LRRN1: variants seen among roughly 807,000 people sequenced by gnomAD.
The protein encoded by LRRN1 is leucine-rich repeat neuronal protein 1.
Under a neutral mutation model 45.8 loss-of-function variants are expected in LRRN1, and 14 were observed. The observed-to-expected ratio is 0.31, with a 90% confidence interval of 0.20 to 0.48. LRRN1 has a LOEUF of 0.48. Ranked by LOEUF, LRRN1 falls within the 20% of genes least tolerant of loss-of-function variation. LRRN1 has a pLI of 0.99. For missense variants in LRRN1, 789 were observed against 874.2 expected, an observed-to-expected ratio of 0.90 and a Z score of 1.23; for synonymous variants, 359 against 330.1, an observed-to-expected ratio of 1.09 and a Z score of -0.95.
rs759768737 is a variant in LRRN1 at position 3,845,517 on chromosome 3, G to A, written c.876G>A (p.Leu292=). The A allele has an allele frequency of 9.3e-6, 15 of 1,614,068 alleles. No individual in the cohort carries two copies. Among genetic ancestry groups the A allele is most frequent in the Non-Finnish European group, 1.3e-5 (15 of 1,180,006 alleles). The change falls in exon 2 of 2, where the codon CTG becomes CTA. Residue 292 remains leucine (L), a synonymous_variant. Coordinates refer to ENST00000319331, the MANE Select transcript of LRRN1 (RefSeq NM_020873.7). This position sits in a 1 kb window ranked among gnomAD's most constrained non-coding sequence, Gnocchi z 6.5. ...DFKNMLRLKE[L]GINNMGELVS... ...AAAATATGCTTCGGTTAAAAGAACT[G>A]GGAATCAACAATATGGGCGAGCTCG...
chr3:3,835,576 G>A (rs1693491864), intron 1 of LRRN1, among the ~76,000 whole-genome samples: 1 of 143,310 alleles, frequency 7.0e-6, no homozygotes, highest in Non-Finnish European at 1.5e-5. Context: ...CAACCCCAGA[G>A]CTGCCTGATT....
chr3:3,836,114 A>G (rs949109003), intron 1 of LRRN1, among the ~76,000 whole-genome samples: 2 of 151,978 alleles, frequency 1.3e-5, no homozygotes, highest in Non-Finnish European at 2.9e-5. Flanking sequence ...TATTCCAGCC[A>G]TTTCTTATTT....
chr3:3,847,468 TAACA>T lies in LRRN1; in HGVS notation c.*680_*683del, dbSNP rs1251226588. The stretch of plus-strand genomic sequence containing the variant: ...AATATGTATATCAGATTTTTTAATG[TAACA>T]AACTACATGTTAATTGTTATCTTAT... On this transcript the variant is annotated 3_prime_UTR_variant, in exon 2 of 2. Coordinates refer to ENST00000319331, the MANE Select transcript of LRRN1 (RefSeq NM_020873.7). 1 of 166,994 alleles carries T rather than the reference TAACA, an allele frequency of 6.0e-6. No homozygotes were observed. The highest frequency in any genetic ancestry group is 1.5e-5 in the Non-Finnish European group (1 of 68,104). The allele number at this position is 166,994 out of a possible 1,614,324, so 10.3% of individuals were successfully genotyped here. A position where few individuals can be genotyped will look rare whatever the true frequency, so the allele number is the denominator to read the frequency against.
chr3:3,803,696 G>T (rs1692701350), intron 1 of LRRN1, among the ~76,000 whole-genome samples: 1 of 152,148 alleles, frequency 6.6e-6, no homozygotes, highest in Admixed American at 6.5e-5. Context: ...GATGAAGTCA[G>T]AAAAACATTT....
At chr3:3,818,241 AATC>A (rs1398570349) in intron 1 of LRRN1, among the ~76,000 whole-genome samples, 1 of 152,250 alleles carries the variant, frequency 6.6e-6, no homozygotes, top group East Asian at 1.9e-4. Flanking sequence ...TTTAACATTT[AATC>A]ATGCAGCTAA....
At chr3:3,817,275 A>G (rs956201497) in intron 1 of LRRN1, among the ~76,000 whole-genome samples, 1 of 152,174 alleles carries the variant, frequency 6.6e-6, no homozygotes, top group Admixed American at 6.5e-5. Flanking sequence ...TAGTTCTTTA[A>G]GTCCTTATTA....
Position 3,845,670 on chromosome 3 carries a change from G to A in LRRN1, c.1029G>A (p.Met343Ile), listed in dbSNP as rs745930631. ...GTGTCCCTGCTCTGGAAAGCTTGAT[G>A]CTGAACAACAATGCCTTGAATGCCA... ...FRSVPALESLMLNNNALNAIY... is the reference protein window; with the variant it reads ...FRSVPALESLILNNNALNAIY... The change falls in exon 2 of 2, where the codon ATG becomes ATA. Residue 343 changes from methionine (M) to isoleucine (I), a missense_variant. Coordinates refer to ENST00000319331, the MANE Select transcript of LRRN1 (RefSeq NM_020873.7). The surrounding 1 kb of genome is among the most constrained non-coding windows in gnomAD (Gnocchi z 6.5). The A allele has an allele frequency of 1.2e-6, 2 of 1,614,012 alleles. No homozygotes were observed. Among genetic ancestry groups the A allele is most frequent in the South Asian group, 2.2e-5 (2 of 91,066 alleles).
At chr3:3,813,370 A>T (rs1475005612) in intron 1 of LRRN1, among the ~76,000 whole-genome samples, 1 of 152,208 alleles carries the variant, frequency 6.6e-6, no homozygotes, top group East Asian at 1.9e-4. Flanking sequence ...TGCCCTTGTA[A>T]CAATTTGTTT....
intron 1 of LRRN1, among the ~76,000 whole-genome samples, chr3:3,806,999 G>T (rs1692775429): frequency 6.6e-6 from 1 of 152,186 alleles, no homozygotes; most frequent in African/African-American, 2.4e-5. Flanking sequence ...CCACTCAGAT[G>T]GTAGCAGCTT....
At chr3:3,804,194 C>G (rs1692710039) in intron 1 of LRRN1, 1 of 152,160 alleles carries the variant, frequency 6.6e-6, no homozygotes, top group East Asian at 1.9e-4. Context: ...AAGCTATTAT[C>G]CAGTCGTAGC....
chr3:3,836,311 T>C (rs1480180493), intron 1 of LRRN1, among the ~76,000 whole-genome samples: 1 of 152,208 alleles, frequency 6.6e-6, no homozygotes, highest in Non-Finnish European at 1.5e-5. Context: ...CTTTGTCATC[T>C]TGCAAAACTA....
intron 1 of LRRN1, among the ~76,000 whole-genome samples, chr3:3,824,703 G>C (rs1186207473): frequency 1.3e-5 from 2 of 152,214 alleles, no homozygotes; most frequent in East Asian, 3.9e-4. Flanking sequence ...ATGATTCATT[G>C]ATGGAGCACT....
Position 3,828,406 on chromosome 3 carries a change from G to A in LRRN1, c.-278-15958G>A, listed in dbSNP as rs1693278656. On this transcript the variant is annotated intron_variant, in intron 1 of 1. Transcript: ENST00000319331. ...TTTCTGCCTGCCTTTTTTTTTGCTG[G>A]AAGGTGATTAGATCGTGCCCACCAG... 2.0e-5 allele frequency among the ~76,000 whole-genome samples: 3 copies of A among 151,500 alleles called. No homozygotes were observed. The South Asian group carries it at 6.2e-4, about 32-fold the overall frequency.
chr3:3,839,724 T>C (rs1693606522), intron 1 of LRRN1, among the ~76,000 whole-genome samples: 1 of 152,166 alleles, frequency 6.6e-6, no homozygotes, highest in Admixed American at 6.5e-5. Context: ...TTCCTAAGCA[T>C]TGTATTCTTT....
Position 3,846,139 on chromosome 3 carries a change from G to T in LRRN1, c.1498G>T (p.Val500Phe). ...QIEDSGRYTC[V>F]AQNVQGADTR... is the part of the protein sequence containing the mutation. ...TGAAGACTCAGGAAGATACACATGT[G>T]TTGCCCAGAATGTCCAAGGGGCAGA... Residue 500 changes from valine (V) to phenylalanine (F), a missense_variant, in exon 2 of 2, where the codon GTT (valine) becomes TTT (phenylalanine). Physicochemically the swap from Val to Phe is conservative, Grantham distance 50. Transcript: ENST00000319331. This position sits in a 1 kb window ranked among gnomAD's most constrained non-coding sequence, Gnocchi z 5.7. 2 of 1,614,082 alleles carry T rather than the reference G, an allele frequency of 1.2e-6. No individual in the cohort carries two copies. Among genetic ancestry groups the T allele is most frequent in the South Asian group, 2.2e-5 (2 of 91,082 alleles).
intron 1 of LRRN1, among the ~76,000 whole-genome samples, chr3:3,812,577 G>A (rs890718168): frequency 2.6e-5 from 4 of 152,262 alleles, no homozygotes; most frequent in Admixed American, 1.3e-4. Context: ...AAAGTTCAGC[G>A]AAGGAAGAGA....
intron 1 of LRRN1, among the ~76,000 whole-genome samples, chr3:3,812,601 C>T (rs1028724490): frequency 3.9e-5 from 6 of 152,024 alleles, no homozygotes; most frequent in South Asian, 2.1e-4. Context: ...CATCCTATAC[C>T]GAAGAGATAT....
In LRRN1 at chr3:3,845,001, G is replaced by T; in HGVS notation, c.360G>T (p.Gln120His). Reference protein sequence around the residue: ...IKEVGLANLTQLTTLHLEENQ... With the variant: ...IKEVGLANLTHLTTLHLEENQ... ...AGGTCGGGCTGGCAAACCTAACCCA[G>T]CTCACAACGCTGCATTTGGAGGAAA... The change falls in exon 2 of 2, where the codon CAG becomes CAT. Residue 120 changes from glutamine (Q) to histidine (H), a missense_variant. Physicochemically the swap from Gln to His is conservative, Grantham distance 24. Coordinates refer to ENST00000319331, the MANE Select transcript of LRRN1 (RefSeq NM_020873.7). This position sits in a 1 kb window ranked among gnomAD's most constrained non-coding sequence, Gnocchi z 6.5. 2 of 1,614,100 alleles carry T rather than the reference G, an allele frequency of 1.2e-6. No individual in the cohort carries two copies. The highest frequency in any genetic ancestry group is 1.7e-6 in the Non-Finnish European group (2 of 1,180,014).
At chr3:3,822,593 A>G (rs886920311) in intron 1 of LRRN1, 2 of 152,172 alleles carry the variant, frequency 1.3e-5, no homozygotes, top group Non-Finnish European at 2.9e-5. Context: ...GTGTCATTCA[A>G]CCTATCTTGG....
Sources: gnomAD v4.1 joint callset for allele counts (sites outside exome capture counted in the v4.1 genomes callset) on GRCh38, gnomAD v4.1.1 for gene constraint, Gnocchi (gnomAD v3.1) non-coding constraint, MANE v1.5 for transcripts, NCBI Gene and HGNC (gene_info 2026-07-23, HGNC 2026-07-21) for gene names.